Variants in SPTBN2 observed in about 807,000 individuals in gnomAD.
SPTBN2 encodes spectrin beta, non-erythrocytic 2.
Under a neutral mutation model 284.2 loss-of-function variants are expected in SPTBN2, and 107 were observed. That is an observed-to-expected ratio of 0.38 (90% CI 0.32 to 0.44). The LOEUF (loss-of-function observed/expected upper bound fraction) is 0.44, where lower values mean the gene tolerates loss of function less well. Ranked by LOEUF, SPTBN2 falls within the 20% of genes least tolerant of loss-of-function variation. The pLI is 1.00. For synonymous variants in SPTBN2, 1,289 were observed against 1,354.8 expected (o/e 0.95, Z 1.07); for missense variants, 2,569 against 3,287.1 (o/e 0.78, Z 5.34).
chr11:66,741,661 G>A (rs1460721908), intron 1 of SPTBN2, among the ~76,000 whole-genome samples: 1 of 152,108 alleles, frequency 6.6e-6, no homozygotes, highest in Non-Finnish European at 1.5e-5. Context: ...CTCCTTGGTT[G>A]GCCTAGTTAA....
rs139023378 is a variant in SPTBN2 at position 66,739,340 on chromosome 11, AGTACT to A, written c.-475+5197_-475+5201del. ...CTGTATCCCTGGCAAAGTGCTTCGG[AGTACT>A]GTAATCACACACAGTCAGGATGTCT... On this transcript the variant is annotated intron_variant, in intron 1 of 37. Coordinates refer to the SPTBN2 transcript ENST00000611817. Among the ~76,000 whole-genome samples the A allele has an allele frequency of 1.5e-3, 230 of 152,348 alleles. 8 individuals carry two copies. The East Asian group carries it at 0.041, about 27-fold the overall frequency.
intron 15 of SPTBN2, among the ~76,000 whole-genome samples, chr11:66,701,951 A>T (rs1287957808): frequency 3.9e-5 from 6 of 152,100 alleles, no homozygotes. Flanking sequence ...GAAATGCTCA[A>T]AAGATGGTGA....
At chr11:66,735,850 G>A (rs1230237093) in intron 1 of SPTBN2, among the ~76,000 whole-genome samples, 1 of 152,162 alleles carries the variant, frequency 6.6e-6, no homozygotes, top group East Asian at 1.9e-4. Context: ...AATGAGAGCT[G>A]ACGAACTAAG....
chr11:66,719,716 A>C (rs960970140), intron 3 of SPTBN2, among the ~76,000 whole-genome samples: 2 of 152,156 alleles, frequency 1.3e-5, no homozygotes, highest in Non-Finnish European at 2.9e-5. Context: ...ACAGTCCTGG[A>C]TGGCATTTGT....
At position 66,685,589 on chromosome 11, in the gene SPTBN2, G is replaced by T; in HGVS notation, c.*282C>A. 2.2e-6 allele frequency: 1 copy of T among 455,440 alleles called. No individual in the cohort carries two copies. Among genetic ancestry groups the T allele is most frequent in the Non-Finnish European group, 4.1e-6 (1 of 244,636 alleles). The allele number at this position is 455,440 out of a possible 1,614,324, so 28.2% of individuals were successfully genotyped here. ...GAGGGTGCGGCACTGTCCACACCGT[G>T]GTGAGGGACAGAGGCACGAGGCTGG... is the stretch of plus-strand genomic sequence containing the variant. On this transcript the variant is annotated 3_prime_UTR_variant, in exon 38 of 38. Transcript: ENST00000533211. This position sits in a 1 kb window ranked among gnomAD's most constrained non-coding sequence, Gnocchi z 4.4.
rs1460741369 is a variant in SPTBN2, at chr11:66,684,939, G to A, written c.*932C>T. Among the ~76,000 whole-genome samples, 1 of 152,184 alleles carries A rather than the reference G, an allele frequency of 6.6e-6. No homozygotes were observed. The highest frequency in any genetic ancestry group is 1.5e-5 in the Non-Finnish European group (1 of 68,026). ...TTTGAAAACAGTTTAGAGATCACAA[G>A]TGAAGAAAATTGTGCACCAGGGAAG... On this transcript the variant is annotated 3_prime_UTR_variant, in exon 38 of 38. Coordinates refer to ENST00000533211, the MANE Select transcript of SPTBN2 (RefSeq NM_006946.4).
Position 66,708,961 on chromosome 11 carries a change from C to A in SPTBN2, c.1132G>T (p.Ala378Ser). ...LLFTIQSKLR[A>S]NNQKVYTPRE... ...GGCGTGTAGACCTTCTGGTTGTTGG[C>A]CCGAAGCTTGCTCTGGATGGTGAAG... is the stretch of plus-strand genomic sequence containing the variant. Residue 378 changes from alanine (A) to serine (S), a missense_variant, in exon 11 of 38, where the codon GCC (alanine) becomes TCC (serine). Ala to Ser is a moderately conservative substitution (Grantham distance 99). Transcript: ENST00000533211. The surrounding 1 kb of genome is among the most constrained non-coding windows in gnomAD (Gnocchi z 4.4). The A allele has an allele frequency of 1.2e-6, 2 of 1,613,776 alleles. No individual in the cohort carries two copies. The highest frequency in any genetic ancestry group is 1.7e-6 in the Non-Finnish European group (2 of 1,179,916).
In SPTBN2 at chr11:66,692,665, C is replaced by T. The variant is rs757947024; in HGVS notation, c.5061G>A (p.Arg1687=). The change falls in exon 26 of 38, where the codon CGG becomes CGA. Residue 1687 remains arginine, a synonymous_variant. Transcript: ENST00000533211. ...GCCGGAGGTGCTCCTGCAGGCGCTCCCGCCGCTCTCCAGCCAGCTCCTTCA... is the reference window on the plus strand; with the variant it reads ...GCCGGAGGTGCTCCTGCAGGCGCTCTCGCCGCTCTCCAGCCAGCTCCTTCA... ...AGLKELAGER[R]ERLQEHLRLC... The T allele has an allele frequency of 1.9e-6, 3 of 1,605,580 alleles. No homozygotes were observed. Among genetic ancestry groups the T allele is most frequent in the South Asian group, 2.2e-5 (2 of 91,086 alleles).
chr11:66,732,256 G>T (rs908557437), upstream of SPTBN2, among the ~76,000 whole-genome samples: 8 of 152,146 alleles, frequency 5.3e-5, no homozygotes, highest in South Asian at 2.1e-4. Context: ...GGGTAGAGCT[G>T]GGATTTTAAC....
At chr11:66,705,552 C>T in intron 14 of SPTBN2, 84 bp from the exon 15 acceptor site, 2 of 1,605,978 alleles carry the variant, frequency 1.2e-6, no homozygotes, top group Non-Finnish European at 1.7e-6. Flanking sequence ...GACTTCCCTC[C>T]CTGGCTTTAG....
chr11:66,709,163 G>C (rs534940412), intron 10 of SPTBN2, 144 bp from the exon 11 acceptor site: 2 of 711,508 alleles, frequency 2.8e-6, no homozygotes, highest in Non-Finnish European at 5.0e-6. Context: ...GAAAATATGG[G>C]CTAACCAAAA....
Position 66,688,707 on chromosome 11 carries a change from C to G in SPTBN2, c.6177G>C (p.Gln2059His), listed in dbSNP as rs147219661. Residue 2059 changes from glutamine to histidine, a missense_variant, in exon 31 of 38, where the codon CAG (glutamine) becomes CAC (histidine). This residue lies in a region of SPTBN2 where 1,130 missense variants were observed against 1,317.3 expected (regional missense o/e 0.86). Transcript: ENST00000533211. ...GCTCCTCCCAGGCCACTGCTGACTT[C>G]TGGAAGGCCTCGTGCCGCTTGATGA... ...ESLIKRHEAF[Q>H]KSAVAWEERF... 2.4e-5 allele frequency: 38 copies of G among 1,613,894 alleles called. No individual in the cohort carries two copies. Among genetic ancestry groups the G allele is most frequent in the Admixed American group, 3.3e-5 (2 of 60,010 alleles).
intron 29 of SPTBN2, 193 bp from the exon 30 acceptor site, chr11:66,689,373 C>T (rs2135321830): frequency 3.3e-6 from 2 of 609,858 alleles, no homozygotes; most frequent in East Asian, 6.0e-5. Context: ...CTCCCAGGTT[C>T]AAGCAATTCT....
intron 30 of SPTBN2, 25 bp downstream of exon 30, chr11:66,689,071 G>T: frequency 3.1e-6 from 5 of 1,593,176 alleles, no homozygotes; most frequent in South Asian, 1.1e-5. Context: ...TCCCCACAGG[G>T]CCTGGGGCCC....
chr11:66,684,924 G>A lies in SPTBN2; in HGVS notation c.*947C>T, dbSNP rs192336832. On this transcript the variant is annotated 3_prime_UTR_variant, in exon 38 of 38. Coordinates refer to ENST00000533211, the MANE Select transcript of SPTBN2 (RefSeq NM_006946.4). ...TTCCCAGTCTTCCAATTTGAAAACA[G>A]TTTAGAGATCACAAGTGAAGAAAAT... is the stretch of plus-strand genomic sequence containing the variant. 3.0e-4 allele frequency among the ~76,000 whole-genome samples: 46 copies of A among 152,314 alleles called. No individual in the cohort carries two copies.
At position 66,685,866 on chromosome 11, in the gene SPTBN2, C is replaced by T. The variant is rs756577045; in HGVS notation, c.*5G>A. On this transcript the variant is annotated 3_prime_UTR_variant, in exon 38 of 38. Transcript: ENST00000533211. The surrounding 1 kb of genome is among the most constrained non-coding windows in gnomAD (Gnocchi z 4.4). ...GAGGGAGTTGGCCTGGGACCTTGCC[C>T]CCAACTACTTGTTCTTCTTAAAGAA... 1.2e-6 allele frequency: 2 copies of T among 1,613,218 alleles called. No homozygotes were observed. Among genetic ancestry groups the T allele is most frequent in the Non-Finnish European group, 1.7e-6 (2 of 1,179,700 alleles).
At position 66,683,648 on chromosome 11, in the gene SPTBN2, G is replaced by A. The variant is rs977194457; in HGVS notation, c.*2223C>T. Among the ~76,000 whole-genome samples, 5 of 152,190 alleles carry A rather than the reference G, an allele frequency of 3.3e-5. No individual in the cohort carries two copies. The highest frequency in any genetic ancestry group is 4.4e-5 in the Non-Finnish European group (3 of 68,040). On this transcript the variant is annotated 3_prime_UTR_variant, in exon 38 of 38. Transcript: ENST00000533211. ...TCGGGGTCTTCAGTCTCACCTCTCC[G>A]TTGACAATGCCTGCCCCTACTGCAG...
intron 1 of SPTBN2, among the ~76,000 whole-genome samples, chr11:66,734,304 T>C (rs963204948): frequency 2.0e-5 from 3 of 152,198 alleles, no homozygotes; most frequent in Non-Finnish European, 4.4e-5. Context: ...GTCTCTTTAA[T>C]ACATCAGACA....
intron 31 of SPTBN2, 91 bp from the exon 32 acceptor site, chr11:66,688,402 G>A: frequency 1.3e-6 from 2 of 1,540,100 alleles, no homozygotes; most frequent in Non-Finnish European, 1.7e-6. Flanking sequence ...ACTCTAATTT[G>A]ATGAAATATG....
Sources: gnomAD v4.1 joint callset for allele counts (sites outside exome capture counted in the v4.1 genomes callset) on GRCh38, gnomAD v4.1.1 for gene constraint, gnomAD v4.1.1 regional missense constraint, Gnocchi (gnomAD v3.1) non-coding constraint, MANE v1.5 for transcripts, NCBI Gene and HGNC (gene_info 2026-07-23, HGNC 2026-07-21) for gene names.